NFASC: variants seen among roughly 807,000 people sequenced by gnomAD.
The protein encoded by NFASC is neurofascin, also known as neurofascin homolog.
In NFASC, 43 loss-of-function variants were observed where a neutral mutation model predicts 147.5. The observed-to-expected ratio is 0.29, with a 90% CI of 0.23 to 0.38. NFASC has a LOEUF of 0.38. Among genes scored for constraint, NFASC ranks in the 10% least tolerant of loss-of-function variants. The pLI, the probability that NFASC is intolerant of heterozygous loss-of-function variation, is 1.00. For missense variants in NFASC, 1,320 were observed against 1,689.0 expected (o/e 0.78, Z 3.83); for synonymous variants, 622 against 665.5 (o/e 0.93, Z 1.01).
At chr1:204,846,681 C>A (rs1677118507) in intron 1 of NFASC, among the ~76,000 whole-genome samples, 1 of 152,122 alleles carries the variant, frequency 6.6e-6, no homozygotes. Flanking sequence ...ACCATCACTG[C>A]ACCCTCCCGG....
intron 1 of NFASC, among the ~76,000 whole-genome samples, chr1:204,835,573 A>G (rs1214776657): frequency 6.6e-6 from 1 of 152,078 alleles, no homozygotes; most frequent in South Asian, 2.1e-4. Context: ...CTCCAGGACT[A>G]CTGGAGAAAA....
intron 2 of NFASC, among the ~76,000 whole-genome samples, chr1:204,938,162 G>A (rs1325477917): frequency 1.3e-5 from 2 of 152,228 alleles, no homozygotes; most frequent in Admixed American, 6.5e-5. Flanking sequence ...ATCTGCCAGG[G>A]ACAGCTTGTG....
intron 1 of NFASC, among the ~76,000 whole-genome samples, chr1:204,877,016 AT>A (rs1329960621): frequency 3.6e-5 from 4 of 109,674 alleles, no homozygotes; most frequent in African/African-American, 8.5e-5. Context: ...ATATATATAT[AT>A]ATATATATAT....
At position 205,002,648 on chromosome 1, in the gene NFASC, G is replaced by T; in HGVS notation, c.3189G>T (p.Gln1063His). Residue 1063 changes from glutamine to histidine, a missense_variant, in exon 27 of 30, where the codon CAG becomes CAT. Physicochemically the swap from Gln to His is conservative, Grantham distance 24. Transcript: ENST00000339876. ...VPVKAQAQPI[Q>H]LTDLYPGMTY... ...TTAAGGCCCAGGCTCAGCCTATACA[G>T]CTGACAGACCTCTATCCCGGGATGA... 1.3e-6 allele frequency: 2 copies of T among 1,580,502 alleles called. No individual in the cohort carries two copies. The highest frequency in any genetic ancestry group is 1.7e-6 in the Non-Finnish European group (2 of 1,155,360).
At chr1:204,869,302 C>A (rs1222783949) in intron 1 of NFASC, among the ~76,000 whole-genome samples, 1 of 152,180 alleles carries the variant, frequency 6.6e-6, no homozygotes, top group East Asian at 1.9e-4. Flanking sequence ...GGCGCCATAC[C>A]ACAATGAGTA....
intron 13 of NFASC, 94 bp from the exon 14 acceptor site, chr1:204,974,563 C>T (rs1412552452): frequency 7.1e-7 from 1 of 1,404,156 alleles, no homozygotes; most frequent in Non-Finnish European, 1.0e-6. Context: ...GGGCTCCTTC[C>T]ACAGCCCCCA....
At chr1:204,945,713 G>A (rs886430438) in intron 3 of NFASC, among the ~76,000 whole-genome samples, 33 of 152,210 alleles carry the variant, frequency 2.2e-4, no homozygotes, top group Non-Finnish European at 4.3e-4. Context: ...AGGGAGGAGA[G>A]GAGAGTTGTG....
intron 1 of NFASC, among the ~76,000 whole-genome samples, chr1:204,846,278 G>A (rs780407544): frequency 3.8e-4 from 57 of 151,956 alleles, no homozygotes; most frequent in Non-Finnish European, 7.2e-4. Flanking sequence ...TAGAAGTGAG[G>A]TGTTATGTTT....
intron 1 of NFASC, among the ~76,000 whole-genome samples, chr1:204,853,336 A>C (rs1294786611): frequency 6.6e-6 from 1 of 152,204 alleles, no homozygotes; most frequent in South Asian, 2.1e-4. Flanking sequence ...CCCCATAATC[A>C]CATTAGCTCA....
Position 205,022,105 on chromosome 1 carries a change from A to C in NFASC, c.*5566A>C, listed in dbSNP as rs1353091291. 2.0e-5 allele frequency: 3 copies of C among 152,700 alleles called. No individual in the cohort carries two copies. Among genetic ancestry groups the C allele is most frequent in the African/African-American group, 7.2e-5 (3 of 41,462 alleles). 9.5% of individuals were successfully genotyped at this position (152,700 alleles called of 1,614,324 possible). The stretch of plus-strand genomic sequence containing the variant: ...CAGATGTAAAGACTTCAGTGAAGCA[A>C]TAAACACAAAACTCTGGGAGAAGAT... On this transcript the variant is annotated 3_prime_UTR_variant, in exon 30 of 30. Transcript: ENST00000339876.
rs934207836 is a variant in NFASC, at chr1:204,870,675, G to A, written c.-200+41893G>A. On this transcript the variant is annotated intron_variant, in intron 1 of 29. Transcript: ENST00000339876. ...GCATGAGGGAGACCCAGCGGTGAGCGAGTGAGCAAGCCGGCCGAGGGAGGG... is the reference window on the plus strand; with the variant it reads ...GCATGAGGGAGACCCAGCGGTGAGCAAGTGAGCAAGCCGGCCGAGGGAGGG... The A allele has an allele frequency of 8.4e-6, 9 of 1,077,586 alleles. No homozygotes were observed. In the South Asian group the frequency reaches 1.1e-4, roughly 14 times the overall value. 66.8% of individuals were successfully genotyped at this position (1,077,586 alleles called of 1,614,324 possible). A position where few individuals can be genotyped will look rare whatever the true frequency, so the allele number is the denominator to read the frequency against.
intron 1 of NFASC, among the ~76,000 whole-genome samples, chr1:204,866,762 T>C (rs937107190): frequency 6.6e-6 from 1 of 152,234 alleles, no homozygotes; most frequent in African/African-American, 2.4e-5. Flanking sequence ...TTTTTCATCA[T>C]CTGGTAGAGG....
chr1:204,979,477 C>T lies in NFASC; in HGVS notation c.2094C>T (p.Tyr698=), dbSNP rs1004767197. 1 of 1,614,012 alleles carries T rather than the reference C, an allele frequency of 6.2e-7. No individual in the cohort carries two copies. The highest frequency in any genetic ancestry group is 2.2e-5 in the East Asian group (1 of 44,882). The change falls in exon 19 of 30, where the codon TAC becomes TAT. Residue 698 remains tyrosine, a synonymous_variant. Coordinates refer to ENST00000339876, the MANE Select transcript of NFASC (RefSeq NM_001005388.3). The surrounding 1 kb of genome is among the most constrained non-coding windows in gnomAD (Gnocchi z 6.0). ...TCCGGCTGTCCCCGTATGTCAACTA[C>T]CAGTTCCGTGTCATTGCCATCAACG... ...AVLRLSPYVN[Y]QFRVIAINEV...
intron 13 of NFASC, 79 bp from the exon 14 acceptor site, chr1:204,974,578 C>T: frequency 6.7e-7 from 1 of 1,498,572 alleles, no homozygotes; most frequent in Non-Finnish European, 9.3e-7. Flanking sequence ...CCCCCATGGT[C>T]TCTCTTGATT....
rs1043364683 is a variant in NFASC at position 205,016,171 on chromosome 1, C to G, written c.3492-137C>G. On this transcript the variant is annotated intron_variant, in intron 29 of 29. Coordinates refer to ENST00000339876, the MANE Select transcript of NFASC (RefSeq NM_001005388.3). The surrounding 1 kb of genome is among the most constrained non-coding windows in gnomAD (Gnocchi z 5.1). ...TTTCCCTTCTGCAAAGCAGGCTGGA[C>G]AGGGGAGGGTGAAGCGGGGGCTGGA... The G allele has an allele frequency of 8.7e-6, 6 of 690,274 alleles. No homozygotes were observed. The highest frequency in any genetic ancestry group is 7.1e-5 in the African/African-American group (4 of 56,476). 42.8% of individuals were successfully genotyped at this position (690,274 alleles called of 1,614,324 possible).
At chr1:204,901,852 T>C (rs2149201878) in intron 1 of NFASC, among the ~76,000 whole-genome samples, 1 of 151,966 alleles carries the variant, frequency 6.6e-6, no homozygotes, top group African/African-American at 2.4e-5. Context: ...AGCAGACAGC[T>C]CACCCGCGGT....
At chr1:204,894,226 A>G (rs2082966910) in intron 1 of NFASC, among the ~76,000 whole-genome samples, 1 of 152,224 alleles carries the variant, frequency 6.6e-6, no homozygotes, top group African/African-American at 2.4e-5. Flanking sequence ...CTCATGCCTC[A>G]TTGGCCAACT....
At chr1:204,876,350 G>C (rs2078786952) in intron 1 of NFASC, among the ~76,000 whole-genome samples, 2 of 151,430 alleles carry the variant, frequency 1.3e-5, no homozygotes, top group Admixed American at 6.6e-5. Context: ...TCAGCTCTAG[G>C]GAAAAAAAGA....
rs972642993 is a variant in NFASC, at chr1:204,976,666, T to G, written c.1707-5T>G. On this transcript the variant is annotated splice_region_variant and splice_polypyrimidine_tract_variant and intron_variant, in intron 15 of 29. Transcript: ENST00000339876. The stretch of plus-strand genomic sequence containing the variant: ...CCTCCCAACCCTTCCTCGGTACCTT[T>G]GCAGGATGAAGAAGGAAGACGACTC... 2.5e-6 allele frequency: 4 copies of G among 1,609,252 alleles called. No homozygotes were observed. In the African/African-American group the frequency reaches 5.3e-5, roughly 22 times the overall value.
Sources: allele counts gnomAD v4.1 joint callset (sites outside exome capture counted in the v4.1 genomes callset), GRCh38; gene constraint gnomAD v4.1.1; non-coding constraint Gnocchi (gnomAD v3.1); transcripts MANE v1.5; gene names NCBI Gene and HGNC (gene_info 2026-07-23, HGNC 2026-07-21).